Variants in PKHD1 observed in about 807,000 individuals in gnomAD.
PKHD1 encodes the protein PKHD1 ciliary IPT domain containing fibrocystin/polyductin.
In PKHD1, 291 loss-of-function variants were observed where a neutral mutation model predicts 412.0. The ratio of observed to expected loss-of-function variants is 0.71; its 90% confidence interval spans 0.64 to 0.78. The LOEUF (loss-of-function observed/expected upper bound fraction) is 0.78, where lower values mean the gene tolerates loss of function less well. Among genes scored for constraint, PKHD1 ranks in the 30% least tolerant of loss-of-function variants. The probability of loss-of-function intolerance (pLI) is 0.00; values close to 1 mark genes in which losing one functional copy is unlikely to be tolerated. For missense variants in PKHD1, 4,825 were observed against 4,950.7 expected (o/e 0.97, Z 0.76); for synonymous variants, 1,777 against 1,821.5 (o/e 0.98, Z 0.62).
intron 66 of PKHD1, among the ~76,000 whole-genome samples, chr6:51,623,892 GT>G (rs1766931530): frequency 6.6e-6 from 1 of 152,004 alleles, no homozygotes; most frequent in African/African-American, 2.4e-5. Flanking sequence ...TGGCCAATTT[GT>G]TTTATATATG....
At chr6:51,656,387 C>G (rs773941640) in intron 61 of PKHD1, among the ~76,000 whole-genome samples, 2 of 151,880 alleles carry the variant, frequency 1.3e-5, no homozygotes, top group African/African-American at 4.8e-5. Flanking sequence ...AAATACCTAA[C>G]GCATGTGGGG....
intron 60 of PKHD1, among the ~76,000 whole-genome samples, chr6:51,707,868 T>C (rs529946218): frequency 6.6e-6 from 1 of 152,346 alleles, no homozygotes; most frequent in Non-Finnish European, 1.5e-5. Flanking sequence ...AAAATTACCC[T>C]GTATTCCTCC....
rs1330089420 is a variant in PKHD1 at position 51,683,327 on chromosome 6, A to T, written c.10157-23358T>A. Among the ~76,000 whole-genome samples the T allele has an allele frequency of 4.6e-5, 7 of 152,080 alleles. No individual in the cohort carries two copies. The East Asian group carries it at 1.4e-3, about 29-fold the overall frequency. On this transcript the variant is annotated intron_variant, in intron 60 of 66. Transcript: ENST00000371117. The stretch of plus-strand genomic sequence containing the variant: ...ACTAGATTACAGAGATACACAATTG[A>T]CACTAAACACTGGGAGACAGAATGG...
At chr6:51,734,419 G>A (rs1783589071) in intron 60 of PKHD1, among the ~76,000 whole-genome samples, 1 of 152,114 alleles carries the variant, frequency 6.6e-6, no homozygotes, top group African/African-American at 2.4e-5. Flanking sequence ...TTAAATTCTT[G>A]ACTTTCTTAT....
intron 40 of PKHD1, among the ~76,000 whole-genome samples, chr6:51,907,030 A>G (rs931817327): frequency 1.3e-5 from 2 of 152,156 alleles, no homozygotes; most frequent in Non-Finnish European, 1.5e-5. Context: ...TATCAACTAT[A>G]TGTTTCAGGA....
chr6:52,070,189 T>A (rs1336269743), intron 10 of PKHD1, among the ~76,000 whole-genome samples: 2 of 152,190 alleles, frequency 1.3e-5, no homozygotes, highest in Non-Finnish European at 2.9e-5. Flanking sequence ...AACACCACCA[T>A]ATTGAAACAC....
chr6:51,664,041 C>A (rs906822393), intron 60 of PKHD1, among the ~76,000 whole-genome samples: 1 of 151,908 alleles, frequency 6.6e-6, no homozygotes, highest in African/African-American at 2.4e-5. Flanking sequence ...CTTCCAAGGC[C>A]AAAATAATAA....
At chr6:51,661,562 G>A in intron 60 of PKHD1, among the ~76,000 whole-genome samples, 1 of 151,916 alleles carries the variant, frequency 6.6e-6, no homozygotes. Flanking sequence ...AAGGAAAGAA[G>A]AAAGTAGTAA....
At chr6:51,733,422 C>T (rs950069735) in intron 60 of PKHD1, among the ~76,000 whole-genome samples, 1 of 151,670 alleles carries the variant, frequency 6.6e-6, no homozygotes, top group Non-Finnish European at 1.5e-5. Flanking sequence ...AGCCTGTAGT[C>T]CCAGCTACTG....
chr6:51,747,677 A>G, intron 58 of PKHD1, 110 bp downstream of exon 58: 1 of 925,722 alleles, frequency 1.1e-6, no homozygotes, highest in Non-Finnish European at 1.7e-6. Flanking sequence ...TTGGACAGCA[A>G]GCACTAGACC....
intron 37 of PKHD1, among the ~76,000 whole-genome samples, chr6:51,924,790 C>T (rs997029571): frequency 2.0e-5 from 3 of 152,152 alleles, no homozygotes; most frequent in Non-Finnish European, 4.4e-5. Context: ...TATTGGAAAA[C>T]GGTAAACACC....
chr6:51,832,058 G>A (rs1405088822), intron 51 of PKHD1, among the ~76,000 whole-genome samples: 2 of 152,010 alleles, frequency 1.3e-5, no homozygotes, highest in Non-Finnish European at 2.9e-5. Context: ...CATAAATAGT[G>A]AGCACCTTCT....
intron 2 of PKHD1, 77 bp downstream of exon 2, chr6:52,084,805 T>C (rs895587399): frequency 1.0e-6 from 1 of 961,636 alleles, no homozygotes; most frequent in Admixed American, 1.7e-5. Flanking sequence ...AAAATATTAC[T>C]TTAAGTTTCA....
intron 65 of PKHD1, among the ~76,000 whole-genome samples, chr6:51,630,092 T>G (rs10948638): frequency 0.17 from 26,504 of 152,140 alleles, 2,830 homozygotes; most frequent in Non-Finnish European, 0.24. Flanking sequence ...CAAAGCATAA[T>G]GCATGGATAA....
intron 34 of PKHD1, among the ~76,000 whole-genome samples, chr6:52,010,676 A>T (rs1799692663): frequency 6.6e-6 from 1 of 152,264 alleles, no homozygotes; most frequent in East Asian, 1.9e-4. Flanking sequence ...ACCATGGTAA[A>T]TATCTTTCAC....
At chr6:51,971,792 G>C (rs556516017) in intron 35 of PKHD1, among the ~76,000 whole-genome samples, 7 of 152,032 alleles carry the variant, frequency 4.6e-5, no homozygotes, top group African/African-American at 1.7e-4. Context: ...ATGAAGTGGT[G>C]CAGTCTCAAA....
At chr6:51,893,528 A>T (rs1779419576) in intron 43 of PKHD1, among the ~76,000 whole-genome samples, 1 of 152,184 alleles carries the variant, frequency 6.6e-6, no homozygotes, top group Non-Finnish European at 1.5e-5. Context: ...TCTTACTCTC[A>T]ACTCCAATTG....
rs767022821 is a variant in PKHD1, at chr6:52,069,515, G to C, written c.720C>G (p.His240Gln). ...SVFNKGKSMV[H>Q]KKAWLISAKQ... ...TAGCACTGATCAGCCATGCCTTCTT[G>C]TGGACCATTGACCTTCGAAAAAGAC... Residue 240 changes from histidine (H) to glutamine (Q), a missense_variant, in exon 11 of 67, where the codon CAC becomes CAG. By Grantham distance (24) the His-to-Gln change is conservative (BLOSUM62 0). Coordinates refer to ENST00000371117, the MANE Select transcript of PKHD1 (RefSeq NM_138694.4). The C allele has an allele frequency of 6.2e-7, 1 of 1,612,914 alleles. No individual in the cohort carries two copies.
intron 60 of PKHD1, among the ~76,000 whole-genome samples, chr6:51,699,314 G>A (rs1468561916): frequency 6.6e-6 from 1 of 152,058 alleles, no homozygotes; most frequent in Non-Finnish European, 1.5e-5. Flanking sequence ...TTTCCAGAAC[G>A]CTACGCAGTT....
Sources: gnomAD v4.1 joint callset for allele counts (sites outside exome capture counted in the v4.1 genomes callset) on GRCh38, gnomAD v4.1.1 for gene constraint, MANE v1.5 for transcripts, NCBI Gene and HGNC (gene_info 2026-07-23, HGNC 2026-07-21) for gene names.